The following CFAP20DC variants were observed in gnomAD, a reference collection of about 807,000 sequenced individuals.
CFAP20DC encodes CFAP20 domain containing, also known as protein CFAP20DC.
Under a neutral mutation model 101.7 loss-of-function variants are expected in CFAP20DC, and 84 were observed. The observed-to-expected ratio is 0.83, with a 90% CI of 0.69 to 0.99. The LOEUF (loss-of-function observed/expected upper bound fraction) is 0.99, where lower values mean the gene tolerates loss of function less well. CFAP20DC is among the 50% of genes least tolerant of loss of function. The pLI is 0.00. For synonymous variants in CFAP20DC, 359 were observed against 351.2 expected, an observed-to-expected ratio of 1.02 and a Z score of -0.25; for missense variants, 1,007 against 970.3, an observed-to-expected ratio of 1.04 and a Z score of -0.50.
In CFAP20DC at chr3:58,717,656, GA is replaced by G. The variant is rs76107999; in HGVS notation, c.198-29del. 0.073 allele frequency: 21,891 copies of G among 300,398 alleles called. No individual in the cohort carries two copies. Among genetic ancestry groups the G allele is most frequent in the South Asian group, 0.11 (4,106 of 35,792 alleles). The allele number at this position is 300,398 out of a possible 1,614,324, so 18.6% of individuals were successfully genotyped here. On this transcript the variant is annotated intron_variant, in intron 3 of 3. Transcript: ENST00000486145. The surrounding 1 kb of genome is among the most constrained non-coding windows in gnomAD (Gnocchi z 4.1). ...GCATTTCAGGTAGGAGAAGAGAGAA[GA>G]AAAAAAAAAAAGAAAAAAGGTACAT... is the stretch of plus-strand genomic sequence containing the variant.
rs181458160 is a variant in CFAP20DC at position 59,014,218 on chromosome 3, C to T, written c.278+25339G>A. Among the ~76,000 whole-genome samples, 1 of 152,218 alleles carries T rather than the reference C, an allele frequency of 6.6e-6. No individual in the cohort carries two copies. The highest frequency in any genetic ancestry group is 2.4e-5 in the African/African-American group (1 of 41,546). On this transcript the variant is annotated intron_variant, in intron 4 of 16. Transcript: ENST00000482387. This position sits in a 1 kb window ranked among gnomAD's most constrained non-coding sequence, Gnocchi z 4.9. ...TTTCTTGTTCACTGACCAGATCAATCACATAACAAAATGGGAAAAAAAGAT... is the reference window on the plus strand; with the variant it reads ...TTTCTTGTTCACTGACCAGATCAATTACATAACAAAATGGGAAAAAAAGAT...
chr3:58,855,308 A>C (rs1345884110), intron 12 of CFAP20DC, among the ~76,000 whole-genome samples: 1 of 152,206 alleles, frequency 6.6e-6, no homozygotes, highest in African/African-American at 2.4e-5. Flanking sequence ...CCCCAGTTAG[A>C]ATGGCGATCA....
intron 4 of CFAP20DC, among the ~76,000 whole-genome samples, chr3:58,968,326 C>T (rs375101278): frequency 3.2e-4 from 48 of 152,270 alleles, no homozygotes; most frequent in African/African-American, 1.1e-3. Flanking sequence ...ACATTCCCAT[C>T]AACAGTGTAT....
chr3:58,901,167 C>T (rs1559793840), intron 6 of CFAP20DC, among the ~76,000 whole-genome samples: 2 of 152,180 alleles, frequency 1.3e-5, no homozygotes, highest in Admixed American at 1.3e-4. Flanking sequence ...TCTGAAACAA[C>T]AGTGAGGGCC....
intron 4 of CFAP20DC, among the ~76,000 whole-genome samples, chr3:58,949,077 A>C (rs912837192): frequency 4.6e-5 from 7 of 152,148 alleles, no homozygotes; most frequent in African/African-American, 1.7e-4. Context: ...TTATTTGCGT[A>C]GAGGTGTTTA....
In CFAP20DC at chr3:58,913,922, A is replaced by C. The variant is rs2084412697; in HGVS notation, c.394-58T>G. ...CCTTTCATCAACACATAAATGAACA[A>C]ACCATCTATATGTAGACATTCAAAG... is the stretch of plus-strand genomic sequence containing the variant. On this transcript the variant is annotated intron_variant, in intron 5 of 16. Coordinates refer to ENST00000482387, the MANE Select transcript of CFAP20DC (RefSeq NM_001394063.1). The surrounding 1 kb of genome is among the most constrained non-coding windows in gnomAD (Gnocchi z 4.4). 7.7e-6 allele frequency: 12 copies of C among 1,557,298 alleles called. No individual in the cohort carries two copies. The highest frequency in any genetic ancestry group is 1.1e-5 in the South Asian group (1 of 89,276).
At chr3:58,717,052 T>C (rs2067408666), downstream of CFAP20DC, among the ~76,000 whole-genome samples, 1 of 151,824 alleles carries the variant, frequency 6.6e-6, no homozygotes, top group Non-Finnish European at 1.5e-5. The surrounding 1 kb of genome is among the most constrained non-coding windows in gnomAD (Gnocchi z 4.1). Context: ...TATTCCCCCA[T>C]CCTCTGACAT....
At chr3:58,855,099 C>A (rs1241695184) in intron 12 of CFAP20DC, among the ~76,000 whole-genome samples, 2 of 150,678 alleles carry the variant, frequency 1.3e-5, no homozygotes, top group Middle Eastern at 3.4e-3. Flanking sequence ...TGACAAAGGG[C>A]TAATATCCAG....
At chr3:58,802,861 C>T (rs559780718) in intron 15 of CFAP20DC, among the ~76,000 whole-genome samples, 5 of 151,064 alleles carry the variant, frequency 3.3e-5, no homozygotes, top group African/African-American at 4.9e-5. Flanking sequence ...ATCCTGCACA[C>T]AAAAAATTAA....
rs2067418264 is a variant in CFAP20DC, at chr3:58,717,862, T to G, written c.198-234A>C. ...GGTATACTGCAGCCCAAACCAGAGT[T>G]GCATTAGGAAGATGAAGGGAAGGAG... On this transcript the variant is annotated intron_variant, in intron 3 of 3. Coordinates refer to the CFAP20DC transcript ENST00000486145. This position sits in a 1 kb window ranked among gnomAD's most constrained non-coding sequence, Gnocchi z 4.1. Among the ~76,000 whole-genome samples, 1 of 152,110 alleles carries G rather than the reference T, an allele frequency of 6.6e-6. No individual in the cohort carries two copies. The highest frequency in any genetic ancestry group is 1.5e-5 in the Non-Finnish European group (1 of 68,018).
chr3:58,870,798 G>C (rs2080116250), intron 7 of CFAP20DC, among the ~76,000 whole-genome samples: 1 of 140,456 alleles, frequency 7.1e-6, no homozygotes, highest in Non-Finnish European at 1.5e-5. Flanking sequence ...TGAGGCAGGA[G>C]AATGGCGTGA....
intron 3 of CFAP20DC, among the ~76,000 whole-genome samples, chr3:59,039,980 T>C (rs942117636): frequency 1.3e-5 from 2 of 152,020 alleles, no homozygotes; most frequent in Admixed American, 1.3e-4. Flanking sequence ...ATAAATTCCA[T>C]TCAAGGCAGC....
chr3:58,717,749 A>T lies in CFAP20DC; in HGVS notation c.198-121T>A, dbSNP rs2067417094. 1 of 345,270 alleles carries T rather than the reference A, an allele frequency of 2.9e-6. No individual in the cohort carries two copies. The highest frequency in any genetic ancestry group is 2.2e-5 in the African/African-American group (1 of 46,070). 21.4% of individuals were successfully genotyped at this position (345,270 alleles called of 1,614,324 possible). On this transcript the variant is annotated intron_variant, in intron 3 of 3. Coordinates refer to the CFAP20DC transcript ENST00000486145. This position sits in a 1 kb window ranked among gnomAD's most constrained non-coding sequence, Gnocchi z 4.1. ...TGCTTTTTCTGGAAGTCTCATCCTG[A>T]ATACTTTGGCTGGCAACTTATTAGC...
At chr3:58,851,094 TA>T (rs2078188281) in intron 12 of CFAP20DC, among the ~76,000 whole-genome samples, 1 of 152,154 alleles carries the variant, frequency 6.6e-6, no homozygotes, top group Admixed American at 6.6e-5. Context: ...CAAGTACATC[TA>T]GGTGCTGCAG....
At chr3:58,843,244 C>T (rs2077312875) in intron 13 of CFAP20DC, among the ~76,000 whole-genome samples, 1 of 151,790 alleles carries the variant, frequency 6.6e-6, no homozygotes, top group Non-Finnish European at 1.5e-5. Flanking sequence ...AAACCAAAGG[C>T]AAAGAAGTTA....
intron 4 of CFAP20DC, among the ~76,000 whole-genome samples, chr3:59,023,940 C>T (rs1400007075): frequency 6.6e-6 from 1 of 151,920 alleles, no homozygotes; most frequent in Admixed American, 6.6e-5. Context: ...CATTTTCATC[C>T]CAAAATGTAC....
intron 14 of CFAP20DC, among the ~76,000 whole-genome samples, chr3:58,829,739 G>T (rs13087398): frequency 2.6e-4 from 39 of 152,132 alleles, no homozygotes; most frequent in African/African-American, 9.4e-4. Flanking sequence ...TGTCATGCAG[G>T]AGACTTCAGT....
chr3:59,000,906 A>C (rs888582269), intron 4 of CFAP20DC, among the ~76,000 whole-genome samples: 1 of 152,226 alleles, frequency 6.6e-6, no homozygotes, highest in Non-Finnish European at 1.5e-5. Context: ...AAGGTCACTG[A>C]CTGGAAATTC....
rs556104189 is a variant in CFAP20DC, at chr3:58,796,456, TG to T, written c.2237+9938del. On this transcript the variant is annotated intron_variant, in intron 15 of 16. Transcript: ENST00000482387. ...GTTCAAGAGGTTAGAAAAGTCATTCTGGGGCTTTGCCTCTGCTGTGGATCGG... is the reference window on the plus strand; with the variant it reads ...GTTCAAGAGGTTAGAAAAGTCATTCTGGGCTTTGCCTCTGCTGTGGATCGG... Among the ~76,000 whole-genome samples, 315 of 152,330 alleles carry T rather than the reference TG, an allele frequency of 2.1e-3. 2 individuals are homozygous for T. The highest frequency in any genetic ancestry group is 7.4e-3 in the African/African-American group (307 of 41,584).
Sources: gnomAD v4.1 joint callset for allele counts (sites outside exome capture counted in the v4.1 genomes callset) on GRCh38, gnomAD v4.1.1 for gene constraint, Gnocchi (gnomAD v3.1) non-coding constraint, MANE v1.5 for transcripts, NCBI Gene and HGNC (gene_info 2026-07-23, HGNC 2026-07-21) for gene names.